The following FAM107B variants were observed in gnomAD, a reference collection of about 807,000 sequenced individuals.
The protein encoded by FAM107B is family with sequence similarity 107 member B.
Under a neutral mutation model 31.5 loss-of-function variants are expected in FAM107B, and 21 were observed. That is an observed-to-expected ratio of 0.67 (90% CI 0.47 to 0.96). The LOEUF is 0.96. Ranked by LOEUF, FAM107B falls within the 40% of genes least tolerant of loss-of-function variation. FAM107B has a pLI of 0.00. For synonymous variants in FAM107B, 157 were observed against 141.5 expected, an observed-to-expected ratio of 1.11 and a Z score of -0.78; for missense variants, 452 against 377.1, an observed-to-expected ratio of 1.20 and a Z score of -1.64.
chr10:14,693,002 G>A (rs1855178291), intron 1 of FAM107B, among the ~76,000 whole-genome samples: 1 of 152,190 alleles, frequency 6.6e-6, no homozygotes. Flanking sequence ...GATGCGGTCA[G>A]CCTTCACTAG....
intron 3 of FAM107B, among the ~76,000 whole-genome samples, chr10:14,529,061 G>A (rs1290537414): frequency 9.2e-5 from 14 of 152,186 alleles, no homozygotes; most frequent in Non-Finnish European, 2.9e-5. Flanking sequence ...AGTGACAACT[G>A]CTATTCTATT....
rs534818672 is a variant in FAM107B at position 14,603,997 on chromosome 10, T to C, written c.469+63637A>G. On this transcript the variant is annotated intron_variant, in intron 2 of 4. Coordinates refer to ENST00000181796, the MANE Select transcript of FAM107B (RefSeq NM_031453.4). ...CCCCTTCCCCGCAGCGGCCCCCGCC[T>C]CCGCGGCGCCCCCCGCACGGCCCCG... is the stretch of plus-strand genomic sequence containing the variant. Among the ~76,000 whole-genome samples, 952 of 146,354 alleles carry C rather than the reference T, an allele frequency of 6.5e-3. 2 individuals are homozygous for C. Among genetic ancestry groups the C allele is most frequent in the African/African-American group, 0.023 (915 of 40,556 alleles).
intron 2 of FAM107B, among the ~76,000 whole-genome samples, chr10:14,566,536 G>A (rs1451386709): frequency 1.3e-5 from 2 of 152,126 alleles, no homozygotes; most frequent in Non-Finnish European, 2.9e-5. Flanking sequence ...GCGCCCACCT[G>A]GACAGCAGCC....
intron 2 of FAM107B, among the ~76,000 whole-genome samples, chr10:14,587,416 G>C (rs1379140945): frequency 2.0e-5 from 3 of 152,132 alleles, no homozygotes. Flanking sequence ...CTTAGCCCTA[G>C]AAGTCAAAAT....
intron 2 of FAM107B, among the ~76,000 whole-genome samples, chr10:14,625,959 G>A (rs762082622): frequency 1.3e-5 from 2 of 150,612 alleles, no homozygotes; most frequent in Non-Finnish European, 2.9e-5. Context: ...TGCCTACATC[G>A]TTAGAGAACA....
intron 1 of FAM107B, among the ~76,000 whole-genome samples, chr10:14,689,568 G>C (rs904300940): frequency 7.9e-5 from 12 of 152,118 alleles, no homozygotes; most frequent in African/African-American, 2.9e-4. Context: ...CAGGGAATAG[G>C]ACACATGCCA....
intron 1 of FAM107B, among the ~76,000 whole-genome samples, chr10:14,767,026 A>ATG (rs1481204832): frequency 0.034 from 651 of 19,144 alleles, 22 homozygotes; most frequent in African/African-American, 0.069. Context: ...ATGTGTATGT[A>ATG]TATATATATA....
intron 1 of FAM107B, among the ~76,000 whole-genome samples, chr10:14,701,714 G>T (rs958220804): frequency 1.4e-5 from 2 of 146,292 alleles, no homozygotes; most frequent in African/African-American, 5.0e-5. Context: ...GCAAAGAGTT[G>T]TTTTTTTTTT....
intron 2 of FAM107B, among the ~76,000 whole-genome samples, chr10:14,591,167 A>C (rs1852007798): frequency 6.6e-6 from 1 of 152,198 alleles, no homozygotes; most frequent in African/African-American, 2.4e-5. Context: ...TAAAATGACA[A>C]TTGAAAAAGA....
chr10:14,697,136 G>A (rs1230357676), intron 1 of FAM107B, among the ~76,000 whole-genome samples: 19 of 152,140 alleles, frequency 1.2e-4, no homozygotes, highest in African/African-American at 4.6e-4. Flanking sequence ...TCTGTGCTTG[G>A]GGCTCTGGCT....
intron 2 of FAM107B, among the ~76,000 whole-genome samples, chr10:14,600,467 C>T (rs1056947990): frequency 2.0e-5 from 3 of 152,102 alleles, no homozygotes; most frequent in East Asian, 1.9e-4. Flanking sequence ...CATGGCCCGC[C>T]GCACCCACCC....
At chr10:14,638,421 G>C (rs901148770) in intron 2 of FAM107B, among the ~76,000 whole-genome samples, 4 of 151,912 alleles carry the variant, frequency 2.6e-5, no homozygotes, top group African/African-American at 9.7e-5. Flanking sequence ...TGAATTTTCT[G>C]TTCTCCAGAA....
intron 2 of FAM107B, among the ~76,000 whole-genome samples, chr10:14,563,480 T>C (rs1326451702): frequency 2.6e-5 from 4 of 152,248 alleles, no homozygotes; most frequent in Admixed American, 2.6e-4. Context: ...ACTTTTTCAA[T>C]ATATGGCTGC....
At chr10:14,749,433 T>C (rs1026416779) in intron 1 of FAM107B, among the ~76,000 whole-genome samples, 10 of 152,202 alleles carry the variant, frequency 6.6e-5, no homozygotes, top group African/African-American at 2.2e-4. Context: ...GCCTTGTTCC[T>C]TCTTCCTGGC....
intron 1 of FAM107B, among the ~76,000 whole-genome samples, chr10:14,737,328 A>G (rs552678723): frequency 6.6e-6 from 1 of 152,172 alleles, no homozygotes; most frequent in East Asian, 1.9e-4. Context: ...TCTCCATAGA[A>G]AAAACATTTT....
intron 1 of FAM107B, among the ~76,000 whole-genome samples, chr10:14,735,510 G>A (rs767752735): frequency 2.6e-5 from 4 of 152,192 alleles, no homozygotes; most frequent in African/African-American, 4.8e-5. Context: ...TAGAGGAGAC[G>A]GCACTTCGGT....
chr10:14,697,591 G>C (rs563754369), intron 1 of FAM107B, among the ~76,000 whole-genome samples: 1 of 152,314 alleles, frequency 6.6e-6, no homozygotes, highest in East Asian at 1.9e-4. Context: ...ATTTTCTAAA[G>C]ACTTTACCTC....
chr10:14,536,695 C>T (rs1181598864), intron 2 of FAM107B, among the ~76,000 whole-genome samples: 1 of 152,192 alleles, frequency 6.6e-6, no homozygotes, highest in Non-Finnish European at 1.5e-5. Flanking sequence ...TGGCCACCAA[C>T]CTGGTGCACC....
chr10:14,772,129 G>A (rs555306699), intron 1 of FAM107B, among the ~76,000 whole-genome samples: 6 of 152,194 alleles, frequency 3.9e-5, no homozygotes, highest in African/African-American at 1.2e-4. Flanking sequence ...GCTGGGCGGG[G>A]GAGTCATGAG....
Sources: allele counts gnomAD v4.1 joint callset (sites outside exome capture counted in the v4.1 genomes callset), GRCh38; gene constraint gnomAD v4.1.1; transcripts MANE v1.5; gene names NCBI Gene and HGNC (gene_info 2026-07-23, HGNC 2026-07-21).